The following MYRIP variants were observed in gnomAD, a reference collection of about 807,000 sequenced individuals.
MYRIP encodes the protein myosin VIIA and Rab interacting protein.
Under a neutral mutation model 98.0 loss-of-function variants are expected in MYRIP, and 49 were observed. The observed-to-expected ratio is 0.50, with a 90% CI of 0.40 to 0.63. MYRIP has a LOEUF of 0.63. Ranked by LOEUF, MYRIP falls within the 30% of genes least tolerant of loss-of-function variation. The pLI, the probability that MYRIP is intolerant of heterozygous loss-of-function variation, is 0.00. For synonymous variants in MYRIP, 404 were observed against 409.5 expected, an observed-to-expected ratio of 0.99 and a Z score of 0.16; for missense variants, 1,004 against 1,058.2, an observed-to-expected ratio of 0.95 and a Z score of 0.71.
At chr3:40,088,200 G>C (rs112307515) in intron 3 of MYRIP, among the ~76,000 whole-genome samples, 100 of 152,202 alleles carry the variant, frequency 6.6e-4, no homozygotes, top group African/African-American at 1.8e-3. Context: ...GGGGAGGGGG[G>C]ACAGATGTTG....
At chr3:40,007,644 C>A (rs1253042680) in intron 2 of MYRIP, among the ~76,000 whole-genome samples, 1 of 152,142 alleles carries the variant, frequency 6.6e-6, no homozygotes, top group Non-Finnish European at 1.5e-5. Context: ...AGTGGGTTCT[C>A]CAGAGAAACA....
intron 3 of MYRIP, among the ~76,000 whole-genome samples, chr3:40,095,359 C>T (rs1948806558): frequency 6.6e-6 from 1 of 152,134 alleles, no homozygotes; most frequent in African/African-American, 2.4e-5. Context: ...TCTGCCTTCA[C>T]AGGTTTTGCT....
At chr3:40,058,805 T>C (rs1306457509) in intron 3 of MYRIP, among the ~76,000 whole-genome samples, 3 of 152,178 alleles carry the variant, frequency 2.0e-5, no homozygotes, top group Non-Finnish European at 4.4e-5. Context: ...AAATTATACT[T>C]TAAGTTCTGG....
At chr3:40,045,676 A>G (rs1947656281) in intron 3 of MYRIP, among the ~76,000 whole-genome samples, 1 of 152,202 alleles carries the variant, frequency 6.6e-6, no homozygotes, top group South Asian at 2.1e-4. Context: ...CTAAATAGGC[A>G]TTACAGGAGT....
chr3:40,179,043 T>TGGGCACAGA (rs1489890419), intron 8 of MYRIP, among the ~76,000 whole-genome samples: 1 of 152,120 alleles, frequency 6.6e-6, no homozygotes, highest in African/African-American at 2.4e-5. Context: ...GAAAGAAAAG[T>TGGGCACAGA]GGGCACAGAG....
intron 2 of MYRIP, among the ~76,000 whole-genome samples, chr3:40,009,565 A>T (rs1250973104): frequency 6.6e-6 from 1 of 152,054 alleles, no homozygotes; most frequent in Admixed American, 6.6e-5. Context: ...TTTAATGTGG[A>T]GGCTCAGGAC....
intron 2 of MYRIP, among the ~76,000 whole-genome samples, chr3:40,026,488 C>T (rs942712558): frequency 3.3e-5 from 5 of 152,150 alleles, no homozygotes; most frequent in African/African-American, 1.2e-4. Context: ...ACATCCTCAG[C>T]TTACAAAGGT....
chr3:39,885,953 T>G (rs1316794739), intron 1 of MYRIP, among the ~76,000 whole-genome samples: 1 of 151,994 alleles, frequency 6.6e-6, no homozygotes, highest in Non-Finnish European at 1.5e-5. Flanking sequence ...TGTCCTCCCG[T>G]AGCTGGGAGT....
chr3:40,214,304 G>T (rs2125673440), intron 11 of MYRIP, among the ~76,000 whole-genome samples: 1 of 150,836 alleles, frequency 6.6e-6, no homozygotes, highest in South Asian at 2.1e-4. Flanking sequence ...CTCCATCACT[G>T]TCCCTGCTGT....
chr3:40,072,668 C>T (rs1948257536), intron 3 of MYRIP, among the ~76,000 whole-genome samples: 1 of 151,844 alleles, frequency 6.6e-6, no homozygotes, highest in Non-Finnish European at 1.5e-5. Context: ...TTAAACTTTC[C>T]AAGCATGTGG....
At chr3:40,017,186 C>T (rs918108258) in intron 2 of MYRIP, among the ~76,000 whole-genome samples, 1 of 152,198 alleles carries the variant, frequency 6.6e-6, no homozygotes, top group African/African-American at 2.4e-5. Flanking sequence ...CCTGCACTCC[C>T]ACTTCCTTGC....
intron 3 of MYRIP, among the ~76,000 whole-genome samples, chr3:40,066,737 G>A (rs1948135176): frequency 6.6e-6 from 1 of 152,104 alleles, no homozygotes; most frequent in Non-Finnish European, 1.5e-5. Flanking sequence ...CTGCTCACTT[G>A]GATAAGGCTG....
At chr3:39,838,502 G>A (rs1162031290) in intron 1 of MYRIP, among the ~76,000 whole-genome samples, 1 of 151,870 alleles carries the variant, frequency 6.6e-6, no homozygotes, top group Non-Finnish European at 1.5e-5. Context: ...TTTATGTGAT[G>A]GATTACGTTT....
At chr3:40,237,643 C>T (rs909022405) in intron 12 of MYRIP, among the ~76,000 whole-genome samples, 3 of 152,126 alleles carry the variant, frequency 2.0e-5, no homozygotes, top group African/African-American at 7.2e-5. Flanking sequence ...GAATGAAGCC[C>T]CTTTTAAAAA....
intron 1 of MYRIP, among the ~76,000 whole-genome samples, chr3:39,835,590 ATAAG>A (rs1941593760): frequency 7.4e-6 from 1 of 135,148 alleles, no homozygotes; most frequent in Admixed American, 7.1e-5. Flanking sequence ...AAGGCACACT[ATAAG>A]TAAGTTTTTT....
At chr3:39,852,574 T>C (rs1942164056) in intron 1 of MYRIP, among the ~76,000 whole-genome samples, 2 of 151,898 alleles carry the variant, frequency 1.3e-5, no homozygotes, top group South Asian at 2.1e-4. Flanking sequence ...AAGTCCTTTA[T>C]ATCATTCTTA....
intron 3 of MYRIP, among the ~76,000 whole-genome samples, chr3:40,078,404 C>G (rs1288589367): frequency 1.3e-5 from 2 of 152,188 alleles, no homozygotes; most frequent in Non-Finnish European, 2.9e-5. Context: ...TCAAGTGCCG[C>G]CAAAGTGGGA....
At chr3:39,953,184 G>A (rs1296339189) in intron 2 of MYRIP, among the ~76,000 whole-genome samples, 1 of 152,134 alleles carries the variant, frequency 6.6e-6, no homozygotes, top group Non-Finnish European at 1.5e-5. Flanking sequence ...CAGCTGGCAG[G>A]TGTTGGGGAT....
intron 2 of MYRIP, among the ~76,000 whole-genome samples, chr3:40,031,495 C>A (rs535867365): frequency 6.6e-6 from 1 of 152,110 alleles, no homozygotes; most frequent in Non-Finnish European, 1.5e-5. Flanking sequence ...GGCCTTGAGC[C>A]TTTGCAAGAC....
Sources: gnomAD v4.1 joint callset for allele counts (sites outside exome capture counted in the v4.1 genomes callset) on GRCh38, gnomAD v4.1.1 for gene constraint, MANE v1.5 for transcripts, NCBI Gene and HGNC (gene_info 2026-07-23, HGNC 2026-07-21) for gene names.